The following UBXN2A variants were observed in gnomAD, a reference collection of about 807,000 sequenced individuals.
UBXN2A encodes the protein UBX domain protein 2A.
UBXN2A carries 28 observed loss-of-function variants against 28.4 expected under a neutral mutation model. The ratio of observed to expected loss-of-function variants is 0.99; its 90% CI spans 0.73 to 1.35. UBXN2A has a LOEUF of 1.35. Among genes scored for constraint, UBXN2A ranks in the 40% most tolerant of loss-of-function variants. The probability of loss-of-function intolerance (pLI) is 0.00; values close to 1 mark genes in which losing one functional copy is unlikely to be tolerated. For missense variants in UBXN2A, 253 were observed against 297.9 expected, an observed-to-expected ratio of 0.85 and a Z score of 1.11; for synonymous variants, 97 against 103.6, an observed-to-expected ratio of 0.94 and a Z score of 0.39.
upstream of UBXN2A, among the ~76,000 whole-genome samples, chr2:23,939,908 A>G (rs973755161): frequency 2.6e-5 from 4 of 152,052 alleles, no homozygotes; most frequent in Non-Finnish European, 5.9e-5. Context: ...TCAGGAGTTC[A>G]AGACCAGCCT....
Position 23,967,776 on chromosome 2 carries a change from A to G in UBXN2A, c.42-3500A>G, listed in dbSNP as rs534501690. ...TAACTATTTCTGTGTAAGAGGTATCATGTCATTGCTTTGGAAAAGGCATAA... is the reference window on the plus strand; with the variant it reads ...TAACTATTTCTGTGTAAGAGGTATCGTGTCATTGCTTTGGAAAAGGCATAA... On this transcript the variant is annotated intron_variant, in intron 2 of 6. Transcript: ENST00000309033. 2.4e-3 allele frequency among the ~76,000 whole-genome samples: 360 copies of G among 152,334 alleles called. 2 individuals are homozygous for G. The highest frequency in any genetic ancestry group is 2.3e-3 in the South Asian group (11 of 4,828).
chr2:23,989,266 A>G lies in UBXN2A; in HGVS notation c.584+4435A>G, dbSNP rs1014803915. On this transcript the variant is annotated intron_variant, in intron 6 of 6. Coordinates refer to ENST00000309033, the MANE Select transcript of UBXN2A (RefSeq NM_181713.4). The stretch of plus-strand genomic sequence containing the variant: ...TACATATGTGTGTGTGTGTGTGTGT[A>G]TGTATATATATGCACTTAAGTTTAT... Among the ~76,000 whole-genome samples the G allele has an allele frequency of 8.0e-5, 12 of 150,410 alleles. No homozygotes were observed. The East Asian group carries it at 1.4e-3, about 17-fold the overall frequency.
intron 1 of UBXN2A, among the ~76,000 whole-genome samples, chr2:23,930,578 G>A (rs553803557): frequency 3.5e-4 from 53 of 152,326 alleles, no homozygotes; most frequent in African/African-American, 1.2e-3. Flanking sequence ...AAAAGATAAG[G>A]CCAAGCAAGG....
rs1438108579 is a variant in UBXN2A at position 24,000,416 on chromosome 2, A to T, written c.*549A>T. On this transcript the variant is annotated 3_prime_UTR_variant, in exon 7 of 7. Transcript: ENST00000309033. ...AATTAGCTGGGCGTGGCGGTGCGCA[A>T]CTGTAGTCCCAGCTACTCGGGAGGC... 5 of 152,298 alleles carry T rather than the reference A, an allele frequency of 3.3e-5. No homozygotes were observed. Among genetic ancestry groups the T allele is most frequent in the Non-Finnish European group, 7.3e-5 (5 of 68,198 alleles). The allele number at this position is 152,298 out of a possible 1,614,324, so 9.4% of individuals were successfully genotyped here. A position where few individuals can be genotyped will look rare whatever the true frequency, so the allele number is the denominator to read the frequency against.
At chr2:23,952,376 A>G (rs1047247959) in intron 1 of UBXN2A, among the ~76,000 whole-genome samples, 3 of 151,722 alleles carry the variant, frequency 2.0e-5, no homozygotes, top group Non-Finnish European at 4.4e-5. Context: ...CGATCATCCC[A>G]TCTCAGCCTC....
At chr2:23,966,496 A>T (rs1482103870) in intron 2 of UBXN2A, among the ~76,000 whole-genome samples, 13 of 141,844 alleles carry the variant, frequency 9.2e-5, no homozygotes, top group Non-Finnish European at 2.0e-4. Context: ...TCTGTTGCCC[A>T]GGCTGGAGTG....
intron 3 of UBXN2A, among the ~76,000 whole-genome samples, chr2:23,976,506 G>A (rs777580698): frequency 3.3e-5 from 5 of 152,178 alleles, no homozygotes; most frequent in African/African-American, 1.2e-4. Flanking sequence ...AGTTCCACAT[G>A]GCTGGGGAGG....
chr2:23,991,179 A>G (rs1708338113), intron 6 of UBXN2A, among the ~76,000 whole-genome samples: 1 of 152,146 alleles, frequency 6.6e-6, no homozygotes, highest in Admixed American at 6.6e-5. Flanking sequence ...ATCTCCAACT[A>G]TGATTATGGA....
At chr2:23,950,829 G>A (rs1419900825) in intron 1 of UBXN2A, among the ~76,000 whole-genome samples, 9 of 151,932 alleles carry the variant, frequency 5.9e-5, no homozygotes, top group South Asian at 2.1e-4. Flanking sequence ...TCAGACTCCC[G>A]AGTAGTTGGG....
rs1031804387 is a variant in UBXN2A, at chr2:24,001,707, C to T, written c.*1840C>T. The T allele has an allele frequency of 6.6e-6, 1 of 152,024 alleles. No homozygotes were observed. The highest frequency in any genetic ancestry group is 2.4e-5 in the African/African-American group (1 of 41,398). 9.4% of individuals were successfully genotyped at this position (152,024 alleles called of 1,614,324 possible). A position where few individuals can be genotyped will look rare whatever the true frequency, so the allele number is the denominator to read the frequency against. Reference sequence around the variant, plus strand: ...AGGCACGGTGGCTTACGCCTGTAATCCCAGCACTTTGGGAGGCTGAGGCAG... The same window carrying T: ...AGGCACGGTGGCTTACGCCTGTAATTCCAGCACTTTGGGAGGCTGAGGCAG... On this transcript the variant is annotated 3_prime_UTR_variant, in exon 7 of 7. Coordinates refer to ENST00000309033, the MANE Select transcript of UBXN2A (RefSeq NM_181713.4).
chr2:23,929,428 A>C lies in UBXN2A; in HGVS notation c.-138+1813A>C, dbSNP rs373426036. On this transcript the variant is annotated intron_variant, in intron 1 of 7. Coordinates refer to the UBXN2A transcript ENST00000404924. ...AAAAAATATTTAAAAAAAAAAAAAA[A>C]GGGTAGGGTGCAGTGGCTAATGCCT... is the stretch of plus-strand genomic sequence containing the variant. Among the ~76,000 whole-genome samples the C allele has an allele frequency of 1.2e-3, 174 of 150,924 alleles. 3 individuals carry two copies. The East Asian group carries it at 0.031, about 27-fold the overall frequency.
chr2:23,993,648 G>C (rs977451910), intron 6 of UBXN2A, among the ~76,000 whole-genome samples: 1 of 150,526 alleles, frequency 6.6e-6, no homozygotes, highest in African/African-American at 2.4e-5. Flanking sequence ...GTTTTAGCCT[G>C]AACAATTATG....
intron 1 of UBXN2A, among the ~76,000 whole-genome samples, chr2:23,930,045 C>T (rs537585084): frequency 1.3e-5 from 2 of 152,120 alleles, no homozygotes; most frequent in Admixed American, 6.5e-5. Flanking sequence ...TGTGCCACCA[C>T]GCCCGGCTAA....
chr2:23,929,821 G>A (rs1705317111), intron 1 of UBXN2A, among the ~76,000 whole-genome samples: 1 of 152,154 alleles, frequency 6.6e-6, no homozygotes, highest in Non-Finnish European at 1.5e-5. Context: ...GTGTTTATTT[G>A]TTTTTGTAGT....
chr2:23,956,541 T>C (rs545678203), intron 1 of UBXN2A, among the ~76,000 whole-genome samples: 1 of 151,488 alleles, frequency 6.6e-6, no homozygotes, highest in East Asian at 2.0e-4. Context: ...TTAGTGGAGA[T>C]GGGGTTTCAC....
At chr2:23,962,396 C>G (rs972085369) in intron 2 of UBXN2A, among the ~76,000 whole-genome samples, 1 of 152,174 alleles carries the variant, frequency 6.6e-6, no homozygotes, top group South Asian at 2.1e-4. Context: ...AATGAAAAGG[C>G]AGCCTATGGA....
intron 1 of UBXN2A, among the ~76,000 whole-genome samples, chr2:23,957,996 C>T (rs1366864850): frequency 6.6e-6 from 1 of 152,238 alleles, no homozygotes; most frequent in Admixed American, 6.5e-5. Context: ...CAGCAATCCT[C>T]CTACCTTTTC....
At chr2:23,987,239 A>C (rs1708167916) in intron 6 of UBXN2A, among the ~76,000 whole-genome samples, 1 of 152,178 alleles carries the variant, frequency 6.6e-6, no homozygotes, top group African/African-American at 2.4e-5. Flanking sequence ...GAGTTAAAAG[A>C]ATAAGAATAA....
At chr2:23,983,107 T>C in intron 5 of UBXN2A, 74 bp downstream of exon 5, 1 of 1,387,682 alleles carries the variant, frequency 7.2e-7, no homozygotes, top group Non-Finnish European at 9.4e-7. Flanking sequence ...ATTTTACCCA[T>C]GTAGACCACA....
Sources: gnomAD v4.1 joint callset for allele counts (sites outside exome capture counted in the v4.1 genomes callset) on GRCh38, gnomAD v4.1.1 for gene constraint, MANE v1.5 for transcripts, NCBI Gene and HGNC (gene_info 2026-07-23, HGNC 2026-07-21) for gene names.